KCNK9: variants seen among roughly 807,000 people sequenced by gnomAD.
The protein encoded by KCNK9 is potassium channel subfamily K member 9.
A neutral mutation model predicts 10.8 loss-of-function variants in KCNK9; 1 was observed. The ratio of observed to expected loss-of-function variants is 0.09; its 90% confidence interval spans 0.03 to 0.44. The LOEUF (loss-of-function observed/expected upper bound fraction) is 0.44, where lower values mean the gene tolerates loss of function less well. Among genes scored for constraint, KCNK9 ranks in the 20% least tolerant of loss-of-function variants. KCNK9 has a pLI of 0.97. For synonymous variants in KCNK9, 231 were observed against 222.7 expected (o/e 1.04, Z -0.33); for missense variants, 303 against 515.0 (o/e 0.59, Z 3.98).
chr8:139,638,672 C>T (rs1310739057), intron 1 of KCNK9, among the ~76,000 whole-genome samples: 6 of 152,180 alleles, frequency 3.9e-5, no homozygotes, highest in South Asian at 2.1e-4. Flanking sequence ...CCCTGGGTGC[C>T]TCTAATCTAG....
At chr8:139,674,831 G>C (rs937914125) in intron 1 of KCNK9, among the ~76,000 whole-genome samples, 1 of 152,182 alleles carries the variant, frequency 6.6e-6, no homozygotes, top group Non-Finnish European at 1.5e-5. Flanking sequence ...CCCACACCCA[G>C]CAAGCACTTC....
intron 1 of KCNK9, among the ~76,000 whole-genome samples, chr8:139,627,779 C>T (rs763499168): frequency 6.6e-6 from 1 of 152,208 alleles, no homozygotes; most frequent in Non-Finnish European, 1.5e-5. Flanking sequence ...ATTCACACTC[C>T]CCTGTGTCTC....
Position 139,620,458 on chromosome 8 carries a change from C to G in KCNK9, c.284-1359G>C, listed in dbSNP as rs79464446. 2.4e-3 allele frequency among the ~76,000 whole-genome samples: 364 copies of G among 152,240 alleles called. 8 individuals carry two copies. In the East Asian group the frequency reaches 0.059, roughly 25 times the overall value. On this transcript the variant is annotated intron_variant, in intron 1 of 1. Transcript: ENST00000520439. The stretch of plus-strand genomic sequence containing the variant: ...ATGGATCCGCCGAGATCAGACAGCT[C>G]CGAGCCAAGAGTCTGATACACAGTA...
At chr8:139,656,902 C>A (rs1421243648) in intron 1 of KCNK9, among the ~76,000 whole-genome samples, 1 of 152,202 alleles carries the variant, frequency 6.6e-6, no homozygotes, top group African/African-American at 2.4e-5. Context: ...AGGCCCTGCT[C>A]ACCCTCCCAA....
At chr8:139,638,714 G>C (rs539791379) in intron 1 of KCNK9, among the ~76,000 whole-genome samples, 1 of 152,190 alleles carries the variant, frequency 6.6e-6, no homozygotes, top group Admixed American at 6.5e-5. Flanking sequence ...CTCTGGGGCC[G>C]GGCAAAGTCC....
intron 1 of KCNK9, among the ~76,000 whole-genome samples, chr8:139,661,316 C>T (rs1008723031): frequency 6.6e-6 from 1 of 152,226 alleles, no homozygotes; most frequent in African/African-American, 2.4e-5. Context: ...CCCAACTCAG[C>T]GCTTTGGGAC....
chr8:139,676,072 G>A (rs752875955), intron 1 of KCNK9, among the ~76,000 whole-genome samples: 28 of 152,330 alleles, frequency 1.8e-4, no homozygotes, highest in Non-Finnish European at 3.7e-4. Flanking sequence ...CTAGAGAAGG[G>A]CAGGGCCACA....
intron 2 of KCNK9, among the ~76,000 whole-genome samples, chr8:139,603,514 C>T (rs1015518403): frequency 5.9e-5 from 9 of 152,302 alleles, no homozygotes; most frequent in East Asian, 1.9e-4. Flanking sequence ...AAGATGGTTT[C>T]GTATTTTAAG....
At chr8:139,661,496 C>A (rs926707322) in intron 1 of KCNK9, among the ~76,000 whole-genome samples, 6 of 152,230 alleles carry the variant, frequency 3.9e-5, no homozygotes, top group African/African-American at 1.4e-4. Flanking sequence ...TTGCCCTCGT[C>A]ACAGCCCTGG....
intron 1 of KCNK9, among the ~76,000 whole-genome samples, chr8:139,691,745 C>A (rs1816937029): frequency 6.6e-6 from 1 of 152,194 alleles, no homozygotes; most frequent in South Asian, 2.1e-4. Context: ...GTGATGTAAA[C>A]TTAAAGAGAA....
chr8:139,625,722 C>G (rs1353629581), intron 1 of KCNK9, among the ~76,000 whole-genome samples: 1 of 123,802 alleles, frequency 8.1e-6, no homozygotes, highest in African/African-American at 3.5e-5. Context: ...GCTAACAAAA[C>G]AGGAAAAAAA....
chr8:139,689,570 T>C (rs905878242), intron 1 of KCNK9, among the ~76,000 whole-genome samples: 37 of 152,074 alleles, frequency 2.4e-4, no homozygotes, highest in African/African-American at 8.2e-4. Context: ...GTGGGAGAAG[T>C]GACAGCATCA....
At chr8:139,697,241 G>C (rs998829460) in intron 1 of KCNK9, among the ~76,000 whole-genome samples, 1 of 151,328 alleles carries the variant, frequency 6.6e-6, no homozygotes. Flanking sequence ...GTGGGTAGGT[G>C]GGTAGATGGG....
chr8:139,625,460 G>T (rs1814940859), intron 1 of KCNK9, among the ~76,000 whole-genome samples: 2 of 152,218 alleles, frequency 1.3e-5, no homozygotes, highest in Admixed American at 1.3e-4. Context: ...AGATCCCAGA[G>T]CCCAGCATGG....
Position 139,626,912 on chromosome 8 carries a change from G to A in KCNK9, c.284-7813C>T, listed in dbSNP as rs548380502. 1.4e-4 allele frequency among the ~76,000 whole-genome samples: 22 copies of A among 152,332 alleles called. No individual in the cohort carries two copies. In the East Asian group the frequency reaches 2.1e-3, roughly 15 times the overall value. ...CTCAGGCTTCCCACCTGGCTCCCAC[G>A]GAAGCCTGCGGCAAGCATCCCACTC... On this transcript the variant is annotated intron_variant, in intron 1 of 1. Transcript: ENST00000520439.
intron 1 of KCNK9, among the ~76,000 whole-genome samples, chr8:139,625,517 A>G (rs1050060948): frequency 1.3e-5 from 2 of 152,186 alleles, no homozygotes; most frequent in Non-Finnish European, 2.9e-5. Context: ...AGTGACTTCC[A>G]TCTTCCCAGG....
At chr8:139,701,393 C>T (rs372174743) in intron 1 of KCNK9, among the ~76,000 whole-genome samples, 11 of 152,194 alleles carry the variant, frequency 7.2e-5, no homozygotes, top group Admixed American at 6.5e-4. Flanking sequence ...AAAGACAGGC[C>T]GTCCTGTGCT....
chr8:139,689,064 C>A (rs536960055), intron 1 of KCNK9, among the ~76,000 whole-genome samples: 1 of 152,226 alleles, frequency 6.6e-6, no homozygotes, highest in East Asian at 1.9e-4. Flanking sequence ...AGATTAGGAC[C>A]ACAGACATGC....
At chr8:139,676,277 T>A (rs577645279) in intron 1 of KCNK9, among the ~76,000 whole-genome samples, 105 of 152,370 alleles carry the variant, frequency 6.9e-4, no homozygotes, top group African/African-American at 2.5e-3. Flanking sequence ...AACAATGAAG[T>A]GTCCAGTGGT....
Sources: allele counts gnomAD v4.1 joint callset (sites outside exome capture counted in the v4.1 genomes callset), GRCh38; gene constraint gnomAD v4.1.1; transcripts MANE v1.5; gene names NCBI Gene and HGNC (gene_info 2026-07-23, HGNC 2026-07-21).